Variants in BMP2K observed in about 807,000 individuals in gnomAD.
The protein encoded by BMP2K is BMP-2-inducible protein kinase.
In BMP2K, 74 loss-of-function variants were observed where a neutral mutation model predicts 116.0. The observed-to-expected ratio is 0.64, with a 90% CI of 0.53 to 0.77. The LOEUF is 0.77. Ranked by LOEUF, BMP2K falls within the 30% of genes least tolerant of loss-of-function variation. The pLI, the probability that BMP2K is intolerant of heterozygous loss-of-function variation, is 0.00. For synonymous variants in BMP2K, 486 were observed against 502.5 expected (o/e 0.97, Z 0.44); for missense variants, 1,365 against 1,403.6 (o/e 0.97, Z 0.44).
chr4:78,808,085 C>T (rs372827336), intron 1 of BMP2K, among the ~76,000 whole-genome samples: 2 of 151,650 alleles, frequency 1.3e-5, no homozygotes, highest in Non-Finnish European at 2.9e-5. Flanking sequence ...GATGGAGTCT[C>T]GCTCTGTTGC....
chr4:78,791,238 G>A (rs1175104769), intron 1 of BMP2K, among the ~76,000 whole-genome samples: 1 of 152,084 alleles, frequency 6.6e-6, no homozygotes, highest in Non-Finnish European at 1.5e-5. Context: ...TCAAAGTGTG[G>A]TATGTGGACC....
intron 15 of BMP2K, among the ~76,000 whole-genome samples, chr4:78,900,514 T>G (rs944775820): frequency 1.3e-5 from 2 of 152,098 alleles, no homozygotes; most frequent in Non-Finnish European, 1.5e-5. Context: ...ACATAAAAAT[T>G]TTTCTCCTTG....
At chr4:78,825,126 C>T (rs1323271138) in intron 1 of BMP2K, among the ~76,000 whole-genome samples, 1 of 152,166 alleles carries the variant, frequency 6.6e-6, no homozygotes, top group African/African-American at 2.4e-5. Flanking sequence ...GTTGCTTGAA[C>T]CTGGGAGGCG....
chr4:78,842,338 C>T lies in BMP2K; in HGVS notation c.404-47C>T, dbSNP rs1560524720. ...CATTTCTTAATTTGCTTGTGATAGACTTTATTTATTAAAAATATGTCCTCT... is the reference window on the plus strand; with the variant it reads ...CATTTCTTAATTTGCTTGTGATAGATTTTATTTATTAAAAATATGTCCTCT... On this transcript the variant is annotated intron_variant, in intron 3 of 15. Coordinates refer to ENST00000502613, the MANE Select transcript of BMP2K (RefSeq NM_198892.2). 4 of 1,504,676 alleles carry T rather than the reference C, an allele frequency of 2.7e-6. No homozygotes were observed. In the South Asian group the frequency reaches 5.1e-5, roughly 19 times the overall value. 93.2% of individuals were successfully genotyped at this position (1,504,676 alleles called of 1,614,324 possible). A position where few individuals can be genotyped will look rare whatever the true frequency, so the allele number is the denominator to read the frequency against.
chr4:78,908,962 C>T (rs1244139921), intron 15 of BMP2K, among the ~76,000 whole-genome samples: 1 of 151,336 alleles, frequency 6.6e-6, no homozygotes, highest in Non-Finnish European at 1.5e-5. Context: ...CCCACCCTGC[C>T]ACCACTGTCA....
chr4:78,887,060 G>C, intron 14 of BMP2K, 114 bp from the exon 15 acceptor site: 1 of 682,848 alleles, frequency 1.5e-6, no homozygotes. Flanking sequence ...CTAATGTTTT[G>C]CAAAAAGGCT....
chr4:78,834,026 A>AT (rs1201897731), intron 3 of BMP2K, among the ~76,000 whole-genome samples: 1 of 152,068 alleles, frequency 6.6e-6, no homozygotes, highest in Non-Finnish European at 1.5e-5. Flanking sequence ...ATGTTGTAAG[A>AT]TTTTTCCAGA....
chr4:78,872,525 T>A (rs1732414665), intron 12 of BMP2K, 89 bp from the exon 13 acceptor site: 3 of 1,192,536 alleles, frequency 2.5e-6, no homozygotes, highest in Middle Eastern at 2.6e-4. Context: ...GTCACCAATG[T>A]GAAAGGAAGG....
At chr4:78,792,097 G>A (rs1288475022) in intron 1 of BMP2K, among the ~76,000 whole-genome samples, 1 of 152,074 alleles carries the variant, frequency 6.6e-6, no homozygotes, top group Non-Finnish European at 1.5e-5. Flanking sequence ...CTACATCCTT[G>A]TCTCACCAAC....
At chr4:78,784,948 T>C (rs1187863735) in intron 1 of BMP2K, among the ~76,000 whole-genome samples, 1 of 152,128 alleles carries the variant, frequency 6.6e-6, no homozygotes, top group African/African-American at 2.4e-5. Context: ...TTTAGATAAA[T>C]GAGGAGCATG....
At chr4:78,860,006 G>T in intron 8 of BMP2K, 1 of 535,682 alleles carries the variant, frequency 1.9e-6, no homozygotes, top group South Asian at 1.5e-5. Context: ...TTAATAAACA[G>T]GACTGTTAGT....
At chr4:78,856,761 A>G (rs536358122) in intron 7 of BMP2K, among the ~76,000 whole-genome samples, 5 of 152,074 alleles carry the variant, frequency 3.3e-5, no homozygotes, top group Non-Finnish European at 5.9e-5. Context: ...TCTGTTCCCA[A>G]CCCTCAAATT....
chr4:78,817,446 C>T (rs1038118884), intron 1 of BMP2K, among the ~76,000 whole-genome samples: 2 of 152,180 alleles, frequency 1.3e-5, no homozygotes, highest in African/African-American at 4.8e-5. Flanking sequence ...AAGTGCTACG[C>T]TTACAATTAC....
At chr4:78,833,962 C>G (rs910202749) in intron 3 of BMP2K, among the ~76,000 whole-genome samples, 1 of 152,186 alleles carries the variant, frequency 6.6e-6, no homozygotes, top group Non-Finnish European at 1.5e-5. Flanking sequence ...AGTTCTTGCT[C>G]TCCATAGAAT....
rs58007596 is a variant in BMP2K, at chr4:78,829,792, C to CTTTTCTT, written c.297+3639_297+3640insTTCTTTT. Among the ~76,000 whole-genome samples the CTTTTCTT allele has an allele frequency of 9.8e-4, 62 of 63,430 alleles. No individual in the cohort carries two copies. The East Asian group carries it at 0.015, about 16-fold the overall frequency. The allele number at this position is 63,430 out of a possible 152,430, so 41.6% of individuals were successfully genotyped here. On this transcript the variant is annotated intron_variant, in intron 2 of 15. Coordinates refer to ENST00000502613, the MANE Select transcript of BMP2K (RefSeq NM_198892.2). ...TTTCTTTTCTTTTCTTTTCTTTTCT[C>CTTTTCTT]TTCTCTTCTCTTCTCTTCTCTTCTC...
At chr4:78,785,770 C>T (rs1727697665) in intron 1 of BMP2K, among the ~76,000 whole-genome samples, 1 of 152,058 alleles carries the variant, frequency 6.6e-6, no homozygotes, top group Non-Finnish European at 1.5e-5. Flanking sequence ...TGCTGTCAGC[C>T]CTAATTTGGG....
At chr4:78,803,865 C>T (rs541953868) in intron 1 of BMP2K, among the ~76,000 whole-genome samples, 1 of 152,248 alleles carries the variant, frequency 6.6e-6, no homozygotes, top group African/African-American at 2.4e-5. Context: ...TATCATGCCT[C>T]ATCTCCCATA....
At chr4:78,782,124 G>C (rs898896876) in intron 1 of BMP2K, among the ~76,000 whole-genome samples, 1 of 152,322 alleles carries the variant, frequency 6.6e-6, no homozygotes, top group East Asian at 1.9e-4. Flanking sequence ...CTGTTGGTCC[G>C]TGACTGAATC....
intron 3 of BMP2K, among the ~76,000 whole-genome samples, chr4:78,840,873 A>G (rs1206568324): frequency 6.6e-6 from 1 of 152,154 alleles, no homozygotes; most frequent in Non-Finnish European, 1.5e-5. Context: ...ATTGAGTTCA[A>G]GGTTATGATT....
Sources: allele counts gnomAD v4.1 joint callset (sites outside exome capture counted in the v4.1 genomes callset), GRCh38; gene constraint gnomAD v4.1.1; transcripts MANE v1.5; gene names NCBI Gene and HGNC (gene_info 2026-07-23, HGNC 2026-07-21).